LNPEP: variants seen among roughly 807,000 people sequenced by gnomAD.
LNPEP encodes the protein leucyl and cystinyl aminopeptidase.
LNPEP carries 64 observed loss-of-function variants against 120.6 expected under a neutral mutation model. The observed-to-expected ratio is 0.53, with a 90% CI of 0.43 to 0.65. LNPEP has a LOEUF of 0.65. Ranked by LOEUF, LNPEP falls within the 30% of genes least tolerant of loss-of-function variation. LNPEP has a pLI of 0.00. For missense variants in LNPEP, 1,057 were observed against 1,200.0 expected (o/e 0.88, Z 1.76); for synonymous variants, 435 against 425.4 (o/e 1.02, Z -0.28).
chr5:97,002,140 AAAAT>A (rs1180935858), intron 8 of LNPEP, among the ~76,000 whole-genome samples: 6 of 152,184 alleles, frequency 3.9e-5, no homozygotes, highest in Admixed American at 6.5e-5. Context: ...ACTTCATCTC[AAAAT>A]AAATAAATAA....
At chr5:97,021,916 G>GCCTTTTTTTTTTTTTTTTTTTTTTTTT (rs1287554147) in intron 13 of LNPEP, among the ~76,000 whole-genome samples, 1 of 87,978 alleles carries the variant, frequency 1.1e-5, no homozygotes. Context: ...TTTGTTTTTT[G>GCCTTTTTTTTTTTTTTTTTTTTTTTTT]TCTTTTGTTT....
At chr5:97,028,338 C>A in intron 17 of LNPEP, 64 bp from the exon 18 acceptor site, 1 of 1,473,966 alleles carries the variant, frequency 6.8e-7, no homozygotes, top group Non-Finnish European at 9.5e-7. Flanking sequence ...ATTTTAAAAG[C>A]TGGGGTTACC....
intron 12 of LNPEP, among the ~76,000 whole-genome samples, chr5:97,014,244 C>G (rs1233680642): frequency 1.3e-5 from 2 of 152,102 alleles, no homozygotes; most frequent in Admixed American, 1.3e-4. Flanking sequence ...GCTTGCCTCC[C>G]CAACCACCTC....
At chr5:96,960,328 T>C (rs935035964) in intron 1 of LNPEP, among the ~76,000 whole-genome samples, 1 of 152,232 alleles carries the variant, frequency 6.6e-6, no homozygotes, top group Non-Finnish European at 1.5e-5. Context: ...ATATGAATCA[T>C]AATTAAAATT....
At chr5:97,020,448 G>A (rs377162246) in intron 13 of LNPEP, among the ~76,000 whole-genome samples, 3 of 151,798 alleles carry the variant, frequency 2.0e-5, no homozygotes, top group East Asian at 2.0e-4. Flanking sequence ...TTCAGAGGGG[G>A]TATCTGTTGA....
At chr5:96,950,284 G>A (rs1054408023) in intron 1 of LNPEP, among the ~76,000 whole-genome samples, 4 of 152,158 alleles carry the variant, frequency 2.6e-5, no homozygotes, top group African/African-American at 7.2e-5. Flanking sequence ...GCTGCTGTGC[G>A]TTTGAGACCT....
chr5:97,002,724 T>C (rs930523184), intron 8 of LNPEP, among the ~76,000 whole-genome samples: 2 of 152,214 alleles, frequency 1.3e-5, no homozygotes, highest in African/African-American at 2.4e-5. Context: ...ATAAATTGTA[T>C]TGAAGATGGA....
intron 8 of LNPEP, among the ~76,000 whole-genome samples, chr5:96,999,075 G>T (rs1415282175): frequency 6.6e-6 from 1 of 152,024 alleles, no homozygotes; most frequent in African/African-American, 2.4e-5. Context: ...GTTGAGTGGG[G>T]CCCAGTTGTA....
At chr5:96,939,326 G>A (rs776553288) in intron 1 of LNPEP, among the ~76,000 whole-genome samples, 1 of 150,804 alleles carries the variant, frequency 6.6e-6, no homozygotes, top group Non-Finnish European at 1.5e-5. Flanking sequence ...TGATCCTCCT[G>A]CCTCAGCCTC....
In LNPEP at chr5:97,032,435, T is replaced by C. The variant is rs1372473690; in HGVS notation, c.*3902T>C. On this transcript the variant is annotated 3_prime_UTR_variant, in exon 18 of 18. Coordinates refer to ENST00000231368, the MANE Select transcript of LNPEP (RefSeq NM_005575.3). ...TGTGGGTGACAGCTAATGGAAAAGT[T>C]GATCGATTTTTTTCAGTGGTTTTTT... The C allele has an allele frequency of 1.3e-5, 2 of 152,182 alleles. No homozygotes were observed. The highest frequency in any genetic ancestry group is 2.9e-5 in the Non-Finnish European group (2 of 68,030). 9.4% of individuals were successfully genotyped at this position (152,182 alleles called of 1,614,324 possible).
At chr5:97,003,377 T>G in intron 8 of LNPEP, 38 bp from the exon 9 acceptor site, 1 of 1,214,138 alleles carries the variant, frequency 8.2e-7, no homozygotes, top group Non-Finnish European at 1.1e-6. Flanking sequence ...TAGTATTCTA[T>G]TATTTTCTTT....
intron 3 of LNPEP, among the ~76,000 whole-genome samples, chr5:96,986,233 T>A (rs1790240125): frequency 6.6e-6 from 1 of 152,124 alleles, no homozygotes. Flanking sequence ...GATTTTGGTT[T>A]TGGAGGTGTT....
At chr5:96,983,654 C>T (rs1024569170) in intron 2 of LNPEP, among the ~76,000 whole-genome samples, 11 of 152,108 alleles carry the variant, frequency 7.2e-5, no homozygotes, top group African/African-American at 2.4e-4. Context: ...ACCATGTTGG[C>T]CAGGCTGGTC....
chr5:97,019,805 A>G (rs1791148428), intron 13 of LNPEP, among the ~76,000 whole-genome samples: 1 of 151,864 alleles, frequency 6.6e-6, no homozygotes, highest in Admixed American at 6.6e-5. Flanking sequence ...GACAGTTATG[A>G]GTAGGATTTG....
rs115879784 is a variant in LNPEP, at chr5:97,013,801, A to G, written c.2189A>G (p.Asn730Ser). The G allele has an allele frequency of 6.0e-4, 970 of 1,604,376 alleles. 9 individuals carry two copies. In the African/African-American group the frequency reaches 0.012, roughly 20 times the overall value. The change falls in exon 12 of 18, where the codon AAC becomes AGC. Residue 730 changes from asparagine to serine, a missense_variant. Coordinates refer to ENST00000231368, the MANE Select transcript of LNPEP (RefSeq NM_005575.3). ...PYVLSDKDRA[N>S]LINNIFELAG... ...GTTCTGAGTGACAAAGACCGAGCCA[A>G]CCTTATCAACAACATCTTTGAACTT...
intron 2 of LNPEP, among the ~76,000 whole-genome samples, chr5:96,982,910 T>C (rs568497217): frequency 6.6e-6 from 1 of 152,058 alleles, no homozygotes; most frequent in East Asian, 2.0e-4. Flanking sequence ...CAAGTAGTTT[T>C]TATTATAAAT....
intron 11 of LNPEP, chr5:97,010,606 T>C: frequency 1.6e-5 from 16 of 985,234 alleles, no homozygotes; most frequent in Non-Finnish European, 1.9e-5. Flanking sequence ...AGTTTTTTTG[T>C]AAAACAGTAG....
Position 97,022,469 on chromosome 5 carries a change from C to A in LNPEP, c.2546C>A (p.Ser849Tyr). The change falls in exon 14 of 18, where the codon TCC becomes TAC. Residue 849 changes from serine to tyrosine, a missense_variant. Physicochemically the swap from Ser to Tyr is moderately radical, Grantham distance 144. Coordinates refer to ENST00000231368, the MANE Select transcript of LNPEP (RefSeq NM_005575.3). ...AAACTGTTTGATGACTGGATGGCATCCAATGGAACTCAAAGGTGAAGTATA... is the reference window on the plus strand; with the variant it reads ...AAACTGTTTGATGACTGGATGGCATACAATGGAACTCAAAGGTGAAGTATA... ...AMKLFDDWMASNGTQSLPTDV... is the reference protein window; with the variant it reads ...AMKLFDDWMAYNGTQSLPTDV... 1 of 1,613,544 alleles carries A rather than the reference C, an allele frequency of 6.2e-7. No individual in the cohort carries two copies. Among genetic ancestry groups the A allele is most frequent in the Non-Finnish European group, 8.5e-7 (1 of 1,179,608 alleles).
intron 11 of LNPEP, among the ~76,000 whole-genome samples, chr5:97,009,457 A>G (rs1348159417): frequency 1.3e-5 from 2 of 152,170 alleles, no homozygotes; most frequent in African/African-American, 4.8e-5. Flanking sequence ...GAATTAGTAA[A>G]TTTTAGTCCA....
Sources: gnomAD v4.1 joint callset for allele counts (sites outside exome capture counted in the v4.1 genomes callset) on GRCh38, gnomAD v4.1.1 for gene constraint, MANE v1.5 for transcripts, NCBI Gene and HGNC (gene_info 2026-07-23, HGNC 2026-07-21) for gene names.